Variants in TENM2 observed in about 807,000 individuals in gnomAD.
TENM2 encodes the protein teneurin transmembrane protein 2.
TENM2 carries 52 observed loss-of-function variants against 245.2 expected under a neutral mutation model. The observed-to-expected ratio is 0.21, with a 90% CI of 0.17 to 0.27. TENM2 has a LOEUF of 0.27. Among genes scored for constraint, TENM2 ranks in the 10% least tolerant of loss-of-function variants. The pLI, the probability that TENM2 is intolerant of heterozygous loss-of-function variation, is 1.00. For missense variants in TENM2, 3,046 were observed against 3,666.8 expected (o/e 0.83, Z 4.37); for synonymous variants, 1,363 against 1,438.9 (o/e 0.95, Z 1.19).
intron 3 of TENM2, among the ~76,000 whole-genome samples, chr5:167,894,182 G>A (rs1454389707): frequency 6.6e-6 from 1 of 151,888 alleles, no homozygotes; most frequent in East Asian, 1.9e-4. Context: ...AATCACAGAT[G>A]ATGGATGGAT....
At chr5:168,042,993 A>G (rs1410029677) in intron 5 of TENM2, among the ~76,000 whole-genome samples, 1 of 152,120 alleles carries the variant, frequency 6.6e-6, no homozygotes, top group African/African-American at 2.4e-5. Flanking sequence ...GATCATGATG[A>G]ATTGTACATT....
chr5:167,077,339 TC>T, the TENM2 span, among the ~76,000 whole-genome samples: 1 of 152,150 alleles, frequency 6.6e-6, no homozygotes, highest in Admixed American at 6.5e-5. Flanking sequence ...AACTTTTTTT[TC>T]TTTTTAGCAT....
intron 4 of TENM2, chr5:167,965,059 T>C (rs1380373288): frequency 6.6e-6 from 1 of 152,192 alleles, no homozygotes; most frequent in Non-Finnish European, 1.5e-5. Context: ...AAAAGTGGCA[T>C]GCCTTTGATT....
intron 2 of TENM2, among the ~76,000 whole-genome samples, chr5:167,491,506 C>T (rs569105398): frequency 6.6e-6 from 1 of 152,178 alleles, no homozygotes; most frequent in East Asian, 1.9e-4. Context: ...TATTAATGCC[C>T]TTTGTTCAAA....
At chr5:167,192,476 A>G in the TENM2 span, among the ~76,000 whole-genome samples, 12,147 of 151,924 alleles carry the variant, frequency 0.08, 1,648 homozygotes, top group African/African-American at 0.28. Flanking sequence ...TTGGTACTGG[A>G]GAAAGGAGTG....
intron 1 of TENM2, among the ~76,000 whole-genome samples, chr5:167,306,891 A>G (rs1475488230): frequency 6.6e-6 from 1 of 152,232 alleles, no homozygotes; most frequent in Non-Finnish European, 1.5e-5. Flanking sequence ...AAGTTGGTAC[A>G]TGAAAATCAT....
chr5:167,764,049 T>C (rs933659444), intron 2 of TENM2, among the ~76,000 whole-genome samples: 2 of 152,154 alleles, frequency 1.3e-5, no homozygotes, highest in Non-Finnish European at 1.5e-5. Flanking sequence ...CTGTGTTGGC[T>C]TCTTAGCGTA....
chr5:167,750,534 G>A (rs1003626191), intron 2 of TENM2, among the ~76,000 whole-genome samples: 1 of 152,080 alleles, frequency 6.6e-6, no homozygotes, highest in Non-Finnish European at 1.5e-5. Flanking sequence ...TTTCTGCTGG[G>A]GTGATTGGTA....
intron 10 of TENM2, among the ~76,000 whole-genome samples, chr5:168,121,006 CCATGTTTT>C (rs1795432881): frequency 6.6e-6 from 1 of 152,066 alleles, no homozygotes; most frequent in African/African-American, 2.4e-5. Flanking sequence ...TTTAAGTCAG[CCATGTTTT>C]CATGTCAGTT....
chr5:167,696,347 C>A (rs550501617), intron 2 of TENM2, among the ~76,000 whole-genome samples: 1 of 152,298 alleles, frequency 6.6e-6, no homozygotes, highest in South Asian at 2.1e-4. Flanking sequence ...TTCATCAAAG[C>A]CAGCCAAGGT....
intron 2 of TENM2, among the ~76,000 whole-genome samples, chr5:167,478,990 A>ATATATGTGTG (rs1554163338): frequency 6.6e-6 from 1 of 151,252 alleles, no homozygotes; most frequent in African/African-American, 2.4e-5. Context: ...CTTTATATAT[A>ATATATGTGTG]TGTGTGTGTG....
At chr5:167,682,094 ATCCCTCCCTCCC>A (rs1210507799) in intron 2 of TENM2, among the ~76,000 whole-genome samples, 41 of 92,282 alleles carry the variant, frequency 4.4e-4, no homozygotes, top group Admixed American at 7.4e-4. Flanking sequence ...TCCTTCCTCC[ATCCCTCCCTCCC>A]TCCCTCCCTC....
the TENM2 span, among the ~76,000 whole-genome samples, chr5:167,258,182 C>A: frequency 7.0e-6 from 1 of 142,684 alleles, no homozygotes. Flanking sequence ...TTTTCATTGT[C>A]TGTAAAATGT....
At chr5:167,311,600 C>T (rs776323970) in intron 1 of TENM2, among the ~76,000 whole-genome samples, 2 of 152,030 alleles carry the variant, frequency 1.3e-5, no homozygotes, top group South Asian at 4.1e-4. Context: ...AGTTTTCGTG[C>T]GTTTTTCATA....
chr5:167,578,160 T>C (rs758718817), intron 2 of TENM2, among the ~76,000 whole-genome samples: 18 of 152,144 alleles, frequency 1.2e-4, no homozygotes, highest in Non-Finnish European at 2.2e-4. Context: ...AGGGAAGTAC[T>C]GGAATATGGG....
chr5:167,155,603 C>T, the TENM2 span, among the ~76,000 whole-genome samples: 3 of 152,170 alleles, frequency 2.0e-5, no homozygotes, highest in African/African-American at 7.2e-5. Context: ...GGGCTTCACT[C>T]GTGATTCATG....
intron 2 of TENM2, among the ~76,000 whole-genome samples, chr5:167,832,730 AAAG>A (rs1334226005): frequency 6.6e-6 from 1 of 152,114 alleles, no homozygotes; most frequent in Non-Finnish European, 1.5e-5. Flanking sequence ...AAGGAAGAAG[AAAG>A]AAATATATGT....
At chr5:167,836,859 G>A (rs1477744779) in intron 2 of TENM2, among the ~76,000 whole-genome samples, 1 of 152,132 alleles carries the variant, frequency 6.6e-6, no homozygotes, top group Non-Finnish European at 1.5e-5. Flanking sequence ...ATCTCAGCCG[G>A]TTCTTTGACT....
chr5:167,247,692 A>G, the TENM2 span, among the ~76,000 whole-genome samples: 58 of 152,318 alleles, frequency 3.8e-4, no homozygotes, highest in Middle Eastern at 0.01. Context: ...ATTTCTTTCT[A>G]CATTGTTCCT....
Sources: allele counts gnomAD v4.1 joint callset (sites outside exome capture counted in the v4.1 genomes callset), GRCh38; gene constraint gnomAD v4.1.1; transcripts MANE v1.5; gene names NCBI Gene and HGNC (gene_info 2026-07-23, HGNC 2026-07-21).